Variants in ESRRG observed in about 807,000 individuals in gnomAD.
ESRRG encodes the protein estrogen-related receptor gamma.
ESRRG carries 13 observed loss-of-function variants against 44.0 expected under a neutral mutation model. The observed-to-expected ratio is 0.30, with a 90% CI of 0.19 to 0.47. ESRRG has a LOEUF of 0.47. Ranked by LOEUF, ESRRG falls within the 20% of genes least tolerant of loss-of-function variation. The probability of loss-of-function intolerance (pLI) is 1.00; values close to 1 mark genes in which losing one functional copy is unlikely to be tolerated. For synonymous variants in ESRRG, 215 were observed against 214.6 expected (o/e 1.00, Z -0.02); for missense variants, 395 against 580.6 (o/e 0.68, Z 3.29).
At chr1:216,694,634 GA>G (rs2079751809) in intron 1 of ESRRG, among the ~76,000 whole-genome samples, 4 of 151,680 alleles carry the variant, frequency 2.6e-5, no homozygotes, top group Admixed American at 2.6e-4. Context: ...AGAGCTTACT[GA>G]AGCCTCTTGA....
At chr1:217,124,312 C>T (rs1330835682) in intron 1 of ESRRG, among the ~76,000 whole-genome samples, 2 of 152,180 alleles carry the variant, frequency 1.3e-5, no homozygotes, top group African/African-American at 4.8e-5. Flanking sequence ...CAGTTTGTCT[C>T]AAGTATTTAC....
chr1:217,074,929 G>C (rs2091084900), intron 1 of ESRRG, among the ~76,000 whole-genome samples: 1 of 152,162 alleles, frequency 6.6e-6, no homozygotes, highest in Non-Finnish European at 1.5e-5. Flanking sequence ...CACAGAGCAG[G>C]ATTCTACTTG....
chr1:216,964,051 G>A (rs893721927), intron 1 of ESRRG, among the ~76,000 whole-genome samples: 2 of 152,072 alleles, frequency 1.3e-5, no homozygotes, highest in Non-Finnish European at 1.5e-5. Context: ...AAGGTCCTGT[G>A]GCAAAAAGGA....
intron 2 of ESRRG, among the ~76,000 whole-genome samples, chr1:216,825,865 G>A (rs1219908651): frequency 6.6e-6 from 1 of 152,060 alleles, no homozygotes; most frequent in African/African-American, 2.4e-5. Context: ...CAGGCAGATG[G>A]GCTTCCCATT....
chr1:216,798,668 T>C (rs1388548922), intron 2 of ESRRG, among the ~76,000 whole-genome samples: 5 of 152,138 alleles, frequency 3.3e-5, no homozygotes, highest in Non-Finnish European at 1.5e-5. Flanking sequence ...AAGTCCAGAT[T>C]GAGGTGATTG....
At chr1:216,844,289 G>T (rs555507912) in intron 2 of ESRRG, among the ~76,000 whole-genome samples, 1 of 152,214 alleles carries the variant, frequency 6.6e-6, no homozygotes, top group Admixed American at 6.5e-5. Context: ...GGTGGGTATT[G>T]TCAGTATATT....
intron 1 of ESRRG, among the ~76,000 whole-genome samples, chr1:216,700,410 A>T (rs2081169716): frequency 6.6e-6 from 1 of 152,212 alleles, no homozygotes; most frequent in South Asian, 2.1e-4. Context: ...GGATGATAAA[A>T]TCAGCTCATT....
intron 2 of ESRRG, among the ~76,000 whole-genome samples, chr1:216,833,623 A>G (rs1437689792): frequency 6.6e-6 from 1 of 152,228 alleles, no homozygotes; most frequent in Non-Finnish European, 1.5e-5. Flanking sequence ...AAGAGCAGCC[A>G]ATAGATACCG....
rs573867033 is a variant in ESRRG at position 216,707,585 on chromosome 1, A to G, written c.56+15659T>C. 168 of 1,228,396 alleles carry G rather than the reference A, an allele frequency of 1.4e-4. No homozygotes were observed. In the South Asian group the frequency reaches 2.5e-3, roughly 18 times the overall value. 76.1% of individuals were successfully genotyped at this position (1,228,396 alleles called of 1,614,324 possible). On this transcript the variant is annotated intron_variant, in intron 1 of 6. Coordinates refer to ENST00000408911, the MANE Select transcript of ESRRG (RefSeq NM_001438.4). ...TAAGTCCTGAATTTATTTTATGAAG[A>G]CTGACTCCTTTTTACATTGGAGACT...
At chr1:216,538,521 C>T (rs569301690) in intron 5 of ESRRG, among the ~76,000 whole-genome samples, 1 of 152,164 alleles carries the variant, frequency 6.6e-6, no homozygotes, top group East Asian at 1.9e-4. Flanking sequence ...CCACTGCTAC[C>T]GCACAGCCAG....
intron 2 of ESRRG, among the ~76,000 whole-genome samples, chr1:216,872,743 T>G (rs2096275783): frequency 6.6e-6 from 1 of 152,210 alleles, no homozygotes; most frequent in African/African-American, 2.4e-5. Flanking sequence ...GGAACAATTT[T>G]TATAATAGTT....
At chr1:216,870,129 A>G (rs1434281417) in intron 2 of ESRRG, among the ~76,000 whole-genome samples, 7 of 152,038 alleles carry the variant, frequency 4.6e-5, no homozygotes. Context: ...TATTTTGTAG[A>G]TGGACTTTAT....
intron 2 of ESRRG, among the ~76,000 whole-genome samples, chr1:216,652,450 C>G (rs1244868992): frequency 6.6e-6 from 1 of 152,050 alleles, no homozygotes; most frequent in African/African-American, 2.4e-5. Flanking sequence ...TAATACCTAA[C>G]CACTTCTAAC....
intron 1 of ESRRG, among the ~76,000 whole-genome samples, chr1:217,022,806 G>C (rs1230465580): frequency 6.6e-6 from 1 of 152,120 alleles, no homozygotes; most frequent in Non-Finnish European, 1.5e-5. Context: ...CAAGCTGTAT[G>C]TGCTGGAAAG....
intron 1 of ESRRG, among the ~76,000 whole-genome samples, chr1:216,691,026 C>T (rs1298594667): frequency 6.6e-6 from 1 of 152,108 alleles, no homozygotes; most frequent in East Asian, 1.9e-4. Context: ...CCTTCATTTG[C>T]CATTTTCTTC....
intron 2 of ESRRG, among the ~76,000 whole-genome samples, chr1:216,934,183 C>A (rs1255522190): frequency 1.3e-5 from 2 of 152,152 alleles, no homozygotes; most frequent in African/African-American, 4.8e-5. Flanking sequence ...CCTGTAATTC[C>A]AGCACTTTAG....
intron 1 of ESRRG, among the ~76,000 whole-genome samples, chr1:217,026,408 C>A (rs2081183369): frequency 6.6e-6 from 1 of 152,216 alleles, no homozygotes; most frequent in Non-Finnish European, 1.5e-5. Flanking sequence ...GTTTTGAAGA[C>A]ACCACTCACA....
At chr1:216,819,551 G>C (rs1352110210) in intron 2 of ESRRG, among the ~76,000 whole-genome samples, 1 of 152,012 alleles carries the variant, frequency 6.6e-6, no homozygotes, top group Non-Finnish European at 1.5e-5. Flanking sequence ...GTCCTTTCAG[G>C]GCAAAGGCTG....
chr1:217,022,308 A>G (rs1413399076), intron 1 of ESRRG, among the ~76,000 whole-genome samples: 1 of 152,188 alleles, frequency 6.6e-6, no homozygotes, highest in Non-Finnish European at 1.5e-5. Flanking sequence ...CCCTGCCAAA[A>G]AAATGGTCCC....
Sources: allele counts gnomAD v4.1 joint callset (sites outside exome capture counted in the v4.1 genomes callset), GRCh38; gene constraint gnomAD v4.1.1; transcripts MANE v1.5; gene names NCBI Gene and HGNC (gene_info 2026-07-23, HGNC 2026-07-21).